The following ARHGEF38 variants were observed in gnomAD, a reference collection of about 807,000 sequenced individuals.
ARHGEF38 encodes Rho guanine nucleotide exchange factor (GEF) 38.
ARHGEF38 carries 79 observed loss-of-function variants against 79.9 expected under a neutral mutation model. The observed-to-expected ratio is 0.99, with a 90% confidence interval of 0.82 to 1.19. ARHGEF38 has a LOEUF of 1.19. ARHGEF38 is among the 50% of genes most tolerant of loss of function. The probability of loss-of-function intolerance (pLI) is 0.00; values close to 1 mark genes in which losing one functional copy is unlikely to be tolerated. For missense variants in ARHGEF38, 962 were observed against 907.2 expected (o/e 1.06, Z -0.78); for synonymous variants, 366 against 328.3 (o/e 1.11, Z -1.24).
intron 4 of ARHGEF38, among the ~76,000 whole-genome samples, chr4:105,632,168 AT>A (rs534141836): frequency 4.6e-5 from 7 of 150,882 alleles, no homozygotes; most frequent in South Asian, 2.1e-4. Context: ...AGCCCAGTGA[AT>A]TTTTTTTTTA....
chr4:105,614,087 A>G (rs1379861284), intron 3 of ARHGEF38, among the ~76,000 whole-genome samples: 1 of 152,178 alleles, frequency 6.6e-6, no homozygotes, highest in African/African-American at 2.4e-5. Context: ...CTCAAAAATA[A>G]CAACAGAAAA....
intron 2 of ARHGEF38, among the ~76,000 whole-genome samples, chr4:105,590,140 A>G (rs7698167): frequency 0.032 from 4,532 of 143,820 alleles, 308 homozygotes; most frequent in African/African-American, 0.13. Flanking sequence ...AGAAAGAAAA[A>G]AAAGAAAGAA....
At chr4:105,611,347 A>G (rs879495498) in intron 2 of ARHGEF38, among the ~76,000 whole-genome samples, 6 of 152,090 alleles carry the variant, frequency 3.9e-5, no homozygotes, top group Admixed American at 2.6e-4. Context: ...ACCAATTTAT[A>G]AAACTTTGAT....
In ARHGEF38 at chr4:105,562,299, T is replaced by C. The variant is rs936357077; in HGVS notation, c.196+9338T>C. Reference sequence around the variant, plus strand: ...GCTTTTGCTGTCATTTGAATATAATTCTCCTTGGGGAAAAAGACTTAGCAT... The same window carrying C: ...GCTTTTGCTGTCATTTGAATATAATCCTCCTTGGGGAAAAAGACTTAGCAT... On this transcript the variant is annotated intron_variant, in intron 1 of 13. Coordinates refer to ENST00000420470, the MANE Select transcript of ARHGEF38 (RefSeq NM_001242729.2). 4.6e-5 allele frequency among the ~76,000 whole-genome samples: 7 copies of C among 152,270 alleles called. No individual in the cohort carries two copies. The East Asian group carries it at 1.3e-3, about 29-fold the overall frequency.
At chr4:105,627,858 C>T (rs1327423599) in intron 3 of ARHGEF38, among the ~76,000 whole-genome samples, 1 of 152,118 alleles carries the variant, frequency 6.6e-6, no homozygotes, top group Non-Finnish European at 1.5e-5. Context: ...TTCATCTGCA[C>T]TATTATGAAG....
chr4:105,675,358 C>A (rs979816346), intron 13 of ARHGEF38, among the ~76,000 whole-genome samples: 1 of 152,084 alleles, frequency 6.6e-6, no homozygotes, highest in Admixed American at 6.6e-5. Context: ...AACTGCCATG[C>A]GCTCTGTAAA....
chr4:105,655,430 T>C (rs370332691), intron 8 of ARHGEF38, among the ~76,000 whole-genome samples, 173 bp from the exon 9 acceptor site: 5 of 152,204 alleles, frequency 3.3e-5, no homozygotes, highest in African/African-American at 1.2e-4. Flanking sequence ...TAAGGAAATA[T>C]ATTCTTACAA....
intron 2 of ARHGEF38, among the ~76,000 whole-genome samples, chr4:105,608,121 T>A (rs1416841901): frequency 6.6e-6 from 1 of 152,148 alleles, no homozygotes. Flanking sequence ...GTAACCTTTT[T>A]AATTTGTTGA....
Position 105,630,878 on chromosome 4 carries a change from C to G in ARHGEF38, c.509-20C>G. 1 of 1,582,976 alleles carries G rather than the reference C, an allele frequency of 6.3e-7. No homozygotes were observed. Among genetic ancestry groups the G allele is most frequent in the Non-Finnish European group, 8.6e-7 (1 of 1,167,182 alleles). ...GCTTTGTCTGATGATGTCATTTTGC[C>G]TTTGTTTTGCATTTATCAGGAGAAG... On this transcript the variant is annotated intron_variant, in intron 3 of 13. Transcript: ENST00000420470.
In ARHGEF38 at chr4:105,659,181, C is replaced by CA. The variant is rs890435055; in HGVS notation, c.1363dup (p.Thr455AsnfsTer13). On this transcript the variant is annotated frameshift_variant, in exon 10 of 14. Transcript: ENST00000420470. LOFTEE classifies it high-confidence loss of function. ...GATTGCAACAGCTACCTGCAGCGAT[C>CA]AACGGGAGAGGAGTCAGACTTGGCC... 2.6e-6 allele frequency: 4 copies of CA among 1,536,040 alleles called. No homozygotes were observed. The Admixed American group carries it at 5.9e-5, about 23-fold the overall frequency.
intron 2 of ARHGEF38, among the ~76,000 whole-genome samples, chr4:105,592,933 T>C (rs1185124219): frequency 1.3e-5 from 2 of 152,116 alleles, no homozygotes; most frequent in Admixed American, 6.6e-5. Context: ...GTGGATTCTA[T>C]CCCCTCAGAC....
rs2110426426 is a variant in ARHGEF38, at chr4:105,573,408, G to A, written c.197-15840G>A. 2.0e-5 allele frequency among the ~76,000 whole-genome samples: 3 copies of A among 152,146 alleles called. No individual in the cohort carries two copies. In the South Asian group the frequency reaches 6.2e-4, roughly 32 times the overall value. ...CCATTCTGAGTTAAATTTTGTATGT[G>A]GTGTTAGATAAGGGTCTAACTTCAT... On this transcript the variant is annotated intron_variant, in intron 1 of 13. Transcript: ENST00000420470.
rs1560684364 is a variant in ARHGEF38, at chr4:105,561,433, TA to T, written c.196+8473del. ...TAGAATAGAATAGAATGGAATAGAA[TA>T]GAATAGAATAGAATGGAATAGAATA... On this transcript the variant is annotated intron_variant, in intron 1 of 13. Transcript: ENST00000420470. 1.3e-3 allele frequency among the ~76,000 whole-genome samples: 82 copies of T among 61,492 alleles called. 9 individuals carry two copies. The highest frequency in any genetic ancestry group is 6.5e-3 in the African/African-American group (77 of 11,830). The allele number at this position is 61,492 out of a possible 152,430, so 40.3% of individuals were successfully genotyped here. A position where few individuals can be genotyped will look rare whatever the true frequency, so the allele number is the denominator to read the frequency against.
chr4:105,658,304 G>A (rs1321911032), intron 9 of ARHGEF38, among the ~76,000 whole-genome samples: 2 of 152,108 alleles, frequency 1.3e-5, no homozygotes, highest in East Asian at 3.9e-4. Flanking sequence ...AGCTATTCGG[G>A]AGGCTGAGGT....
chr4:105,577,634 A>G (rs1726571345), intron 1 of ARHGEF38, among the ~76,000 whole-genome samples: 1 of 151,842 alleles, frequency 6.6e-6, no homozygotes, highest in African/African-American at 2.4e-5. Context: ...CAGGGTTCCT[A>G]TTTCTTCCTG....
At chr4:105,575,784 C>T (rs1726466757) in intron 1 of ARHGEF38, among the ~76,000 whole-genome samples, 1 of 151,960 alleles carries the variant, frequency 6.6e-6, no homozygotes, top group Admixed American at 6.5e-5. Flanking sequence ...TGCTTTCAGC[C>T]CTAGACTTAA....
At chr4:105,584,088 C>T (rs1210900976) in intron 1 of ARHGEF38, among the ~76,000 whole-genome samples, 1 of 152,126 alleles carries the variant, frequency 6.6e-6, no homozygotes, top group Non-Finnish European at 1.5e-5. Context: ...AGAATAGATA[C>T]TGTGCAGACA....
intron 6 of ARHGEF38, among the ~76,000 whole-genome samples, chr4:105,647,863 AC>A (rs1043480110): frequency 6.0e-5 from 9 of 150,790 alleles, no homozygotes; most frequent in African/African-American, 2.2e-4. Context: ...TACATTGGGC[AC>A]AGTTGTCTTG....
Position 105,679,504 on chromosome 4 carries a change from A to C in ARHGEF38, c.*1567A>C, listed in dbSNP as rs1376327223. The C allele has an allele frequency of 6.6e-5, 98 of 1,486,292 alleles. No homozygotes were observed. Among genetic ancestry groups the C allele is most frequent in the Non-Finnish European group, 8.8e-5 (94 of 1,066,346 alleles). 92.1% of individuals were successfully genotyped at this position (1,486,292 alleles called of 1,614,324 possible). A position where few individuals can be genotyped will look rare whatever the true frequency, so the allele number is the denominator to read the frequency against. Reference sequence around the variant, plus strand: ...CCCTTATCAGAGTTGATTAAAGATCATGGTTCAAAGCTTGATACACCAGAA... The same window carrying C: ...CCCTTATCAGAGTTGATTAAAGATCCTGGTTCAAAGCTTGATACACCAGAA... On this transcript the variant is annotated 3_prime_UTR_variant, in exon 14 of 14. Coordinates refer to ENST00000420470, the MANE Select transcript of ARHGEF38 (RefSeq NM_001242729.2).
Sources: gnomAD v4.1 joint callset for allele counts (sites outside exome capture counted in the v4.1 genomes callset) on GRCh38, gnomAD v4.1.1 for gene constraint, MANE v1.5 for transcripts, NCBI Gene and HGNC (gene_info 2026-07-23, HGNC 2026-07-21) for gene names.